Variants in NCLN observed in about 807,000 individuals in gnomAD.
NCLN encodes BOS complex subunit NCLN.
In NCLN, 34 loss-of-function variants were observed where a neutral mutation model predicts 69.5. The observed-to-expected ratio is 0.49, with a 90% confidence interval of 0.37 to 0.65. The LOEUF is 0.65. Ranked by LOEUF, NCLN falls within the 30% of genes least tolerant of loss-of-function variation. The pLI, the probability that NCLN is intolerant of heterozygous loss-of-function variation, is 0.00. For synonymous variants in NCLN, 393 were observed against 358.3 expected (o/e 1.10, Z -1.09); for missense variants, 710 against 804.8 (o/e 0.88, Z 1.42).
intron 1 of NCLN, 81 bp downstream of exon 1, chr19:3,186,295 C>A: frequency 7.4e-7 from 1 of 1,357,332 alleles, no homozygotes; most frequent in Non-Finnish European, 9.5e-7. Context: ...CAGGCCGATC[C>A]CTAGCTCCGG....
chr19:3,200,152 T>C (rs931080878), intron 5 of NCLN, among the ~76,000 whole-genome samples: 16 of 151,922 alleles, frequency 1.1e-4, no homozygotes, highest in Non-Finnish European at 2.2e-4. Flanking sequence ...CTCAAGCTGC[T>C]CAGAGCAATG....
chr19:3,193,463 C>A, intron 3 of NCLN, 35 bp downstream of exon 3: 1 of 1,561,124 alleles, frequency 6.4e-7, no homozygotes, highest in Non-Finnish European at 8.6e-7. Flanking sequence ...GGCCCGTGGG[C>A]GTGGGTGTGG....
rs377624490 is a variant in NCLN, at chr19:3,186,177, C to T, written c.147C>T (p.Tyr49=). Residue 49 remains tyrosine, a synonymous_variant, in exon 1 of 15, where the codon TAC becomes TAT. Coordinates refer to ENST00000246117, the MANE Select transcript of NCLN (RefSeq NM_020170.4). ...AADAAHEFTV[Y]RMQQYDLQGQ... is the part of the protein sequence containing the mutation. ...ACGCCGCGCACGAGTTCACCGTGTA[C>T]CGCATGCAGCAGTACGACCTGCAGG... The T allele has an allele frequency of 1.3e-6, 2 of 1,587,870 alleles. No homozygotes were observed. Among genetic ancestry groups the T allele is most frequent in the Non-Finnish European group, 1.7e-6 (2 of 1,170,340 alleles).
intron 4 of NCLN, among the ~76,000 whole-genome samples, chr19:3,196,659 C>T (rs1476513141): frequency 1.3e-5 from 2 of 152,214 alleles, no homozygotes; most frequent in Non-Finnish European, 2.9e-5. Flanking sequence ...ACCCGTCAGC[C>T]CAGACGCTGC....
At chr19:3,198,931 C>A in intron 5 of NCLN, 34 bp downstream of exon 5, 1 of 1,389,930 alleles carries the variant, frequency 7.2e-7, no homozygotes, top group Non-Finnish European at 9.5e-7. Context: ...CCCCACCCCA[C>A]AGGGCTTGGA....
chr19:3,203,717 G>T, intron 6 of NCLN, 39 bp from the exon 7 acceptor site: 1 of 1,569,654 alleles, frequency 6.4e-7, no homozygotes, highest in Non-Finnish European at 8.7e-7. Context: ...CACCCCAGGC[G>T]CTTGCCCGTC....
intron 5 of NCLN, among the ~76,000 whole-genome samples, chr19:3,201,226 G>C (rs929427958): frequency 6.6e-6 from 1 of 152,228 alleles, no homozygotes; most frequent in South Asian, 2.1e-4. Context: ...CTTCTCCCGG[G>C]CGCGGGCCGA....
At chr19:3,200,498 G>C (rs1234221236) in intron 5 of NCLN, among the ~76,000 whole-genome samples, 1 of 151,268 alleles carries the variant, frequency 6.6e-6, no homozygotes. Flanking sequence ...TTTTAGTAGA[G>C]ATAGGGTTTC....
chr19:3,190,014 C>T (rs1168640074), intron 1 of NCLN, among the ~76,000 whole-genome samples: 1 of 152,238 alleles, frequency 6.6e-6, no homozygotes, highest in Non-Finnish European at 1.5e-5. Context: ...CACTCCCTAT[C>T]CCGCCTGCGG....
intron 1 of NCLN, among the ~76,000 whole-genome samples, chr19:3,187,472 G>A (rs1422572228): frequency 6.6e-6 from 1 of 152,176 alleles, no homozygotes; most frequent in Non-Finnish European, 1.5e-5. Context: ...CCTGAGGCGC[G>A]GGGACCCCCA....
Position 3,198,750 on chromosome 19 carries a change from C to G in NCLN, c.616-67C>G, listed in dbSNP as rs915926597. On this transcript the variant is annotated intron_variant, in intron 4 of 14. Transcript: ENST00000246117. ...CACGTGGCCCAGAGGGGAGGGGTCT[C>G]CAAGCCCCACACACGGGTCACCTGC... 6.6e-6 allele frequency: 9 copies of G among 1,370,376 alleles called. No individual in the cohort carries two copies. The Admixed American group carries it at 1.9e-4, about 28-fold the overall frequency. 84.9% of individuals were successfully genotyped at this position (1,370,376 alleles called of 1,614,324 possible).
rs147016028 is a variant in NCLN at position 3,200,802 on chromosome 19, C to T, written c.697-721C>T. On this transcript the variant is annotated intron_variant, in intron 5 of 14. Coordinates refer to ENST00000246117, the MANE Select transcript of NCLN (RefSeq NM_020170.4). Reference sequence around the variant, plus strand: ...CAGCCCCAGAACCCCAGCATGTGCGCATCCGTCCCAGTGCCTGTGGACTGG... The same window carrying T: ...CAGCCCCAGAACCCCAGCATGTGCGTATCCGTCCCAGTGCCTGTGGACTGG... Among the ~76,000 whole-genome samples the T allele has an allele frequency of 2.5e-3, 388 of 152,228 alleles. 2 individuals carry two copies. Among genetic ancestry groups the T allele is most frequent in the African/African-American group, 9.0e-3 (374 of 41,532 alleles).
At position 3,205,987 on chromosome 19, in the gene NCLN, A is replaced by C; in HGVS notation, c.1257A>C (p.Ala419=). Residue 419 remains alanine, a synonymous_variant, in exon 10 of 15, where the codon GCA becomes GCC. Coordinates refer to ENST00000246117, the MANE Select transcript of NCLN (RefSeq NM_020170.4). The surrounding 1 kb of genome is among the most constrained non-coding windows in gnomAD (Gnocchi z 4.6). ...TGACCCGTAACACGAGGATCATTGC[A>C]GAGGCCCTGACTCGAGTCATCTACA... ...KTLTRNTRII[A]EALTRVIYNL... The C allele has an allele frequency of 6.2e-7, 1 of 1,613,736 alleles. No homozygotes were observed.
At chr19:3,189,824 C>T (rs868371305) in intron 1 of NCLN, among the ~76,000 whole-genome samples, 7 of 151,826 alleles carry the variant, frequency 4.6e-5, no homozygotes, top group South Asian at 4.1e-4. Context: ...CATTGGGCCC[C>T]GAGCGAGCGG....
chr19:3,190,490 C>G (rs1915790916), intron 1 of NCLN, among the ~76,000 whole-genome samples: 1 of 152,232 alleles, frequency 6.6e-6, no homozygotes, highest in African/African-American at 2.4e-5. Context: ...CACCGCTTCC[C>G]AGACAGCACA....
intron 1 of NCLN, among the ~76,000 whole-genome samples, chr19:3,191,065 C>T (rs572286169): frequency 5.4e-5 from 8 of 147,718 alleles, no homozygotes; most frequent in African/African-American, 1.5e-4. Context: ...GAGATCGTCG[C>T]GGTGTGTGGC....
rs377091867 is a variant in NCLN at position 3,207,512 on chromosome 19, G to A, written c.1632+43G>A. Reference sequence around the variant, plus strand: ...TCAGGTGGGGCAGGGGCCGCCCGCCGGGAGGAGCTGGGCTGGGCGTCTCCA... The same window carrying A: ...TCAGGTGGGGCAGGGGCCGCCCGCCAGGAGGAGCTGGGCTGGGCGTCTCCA... On this transcript the variant is annotated intron_variant, in intron 14 of 14. Transcript: ENST00000246117. 2.3e-4 allele frequency: 371 copies of A among 1,609,604 alleles called. 3 individuals are homozygous for A. Among genetic ancestry groups the A allele is most frequent in the Admixed American group, 1.2e-3 (72 of 59,918 alleles).
At chr19:3,200,225 A>C (rs892925862) in intron 5 of NCLN, among the ~76,000 whole-genome samples, 3 of 152,116 alleles carry the variant, frequency 2.0e-5, no homozygotes, top group African/African-American at 7.2e-5. Flanking sequence ...CTGGGATTAC[A>C]GGCATGAGCC....
intron 6 of NCLN, among the ~76,000 whole-genome samples, chr19:3,202,592 G>GA (rs764883349): frequency 6.6e-6 from 1 of 152,210 alleles, no homozygotes; most frequent in Non-Finnish European, 1.5e-5. Flanking sequence ...CTGTGGCTGA[G>GA]ACGTTTCTCA....
Sources: allele counts gnomAD v4.1 joint callset (sites outside exome capture counted in the v4.1 genomes callset), GRCh38; gene constraint gnomAD v4.1.1; non-coding constraint Gnocchi (gnomAD v3.1); transcripts MANE v1.5; gene names NCBI Gene and HGNC (gene_info 2026-07-23, HGNC 2026-07-21).